UNC5C: variants seen among roughly 807,000 people sequenced by gnomAD.
UNC5C encodes the protein unc-5 netrin receptor C, also known as netrin receptor UNC5C.
Under a neutral mutation model 99.8 loss-of-function variants are expected in UNC5C, and 47 were observed. The observed-to-expected ratio is 0.47, with a 90% CI of 0.37 to 0.60. The LOEUF is 0.60. Ranked by LOEUF, UNC5C falls within the 20% of genes least tolerant of loss-of-function variation. UNC5C has a pLI of 0.00. For missense variants in UNC5C, 1,062 were observed against 1,165.9 expected (o/e 0.91, Z 1.30); for synonymous variants, 487 against 452.2 (o/e 1.08, Z -0.98).
intron 4 of UNC5C, among the ~76,000 whole-genome samples, chr4:95,277,988 C>T (rs911103379): frequency 1.3e-5 from 2 of 152,188 alleles, no homozygotes; most frequent in Non-Finnish European, 2.9e-5. Flanking sequence ...AAGTGCCAGA[C>T]AAAATAAAGC....
intron 7 of UNC5C, among the ~76,000 whole-genome samples, chr4:95,232,914 C>G (rs764854020): frequency 3.3e-5 from 5 of 152,214 alleles, no homozygotes; most frequent in African/African-American, 4.8e-5. Flanking sequence ...TAAAAGCTCT[C>G]ACTGTCTACC....
At chr4:95,392,745 C>T (rs900623919) in intron 1 of UNC5C, among the ~76,000 whole-genome samples, 16 of 151,964 alleles carry the variant, frequency 1.1e-4, no homozygotes, top group South Asian at 4.2e-4. Context: ...CTGGCTGAAA[C>T]GCTTTTTCGA....
intron 1 of UNC5C, among the ~76,000 whole-genome samples, chr4:95,461,322 A>T (rs1442304155): frequency 1.0e-5 from 1 of 97,500 alleles, no homozygotes; most frequent in Non-Finnish European, 2.0e-5. Flanking sequence ...AGGCAAGAGC[A>T]AGTTGAATAG....
chr4:95,261,933 G>C (rs1220952922), intron 4 of UNC5C, among the ~76,000 whole-genome samples: 1 of 152,108 alleles, frequency 6.6e-6, no homozygotes, highest in African/African-American at 2.4e-5. Flanking sequence ...TCGATTGCCT[G>C]ACTTCATGAT....
At chr4:95,254,301 C>T (rs1739868712) in intron 4 of UNC5C, among the ~76,000 whole-genome samples, 1 of 152,164 alleles carries the variant, frequency 6.6e-6, no homozygotes, top group East Asian at 1.9e-4. Context: ...CATGACCCTC[C>T]ATCCTGCAAT....
chr4:95,441,876 G>C (rs3891685), intron 1 of UNC5C, among the ~76,000 whole-genome samples: 1 of 152,090 alleles, frequency 6.6e-6, no homozygotes, highest in Non-Finnish European at 1.5e-5. Context: ...GCACTGTTCA[G>C]AATAAGTTGC....
chr4:95,291,441 T>C lies in UNC5C; in HGVS notation c.490+10165A>G, dbSNP rs1408992502. ...ACTTTTCATACAGCATAAAACATACTTTAATAACACATTTTTGTCCAGTGT... is the reference window on the plus strand; with the variant it reads ...ACTTTTCATACAGCATAAAACATACCTTAATAACACATTTTTGTCCAGTGT... On this transcript the variant is annotated intron_variant, in intron 3 of 15. Transcript: ENST00000453304. Among the ~76,000 whole-genome samples, 4 of 152,214 alleles carry C rather than the reference T, an allele frequency of 2.6e-5. No individual in the cohort carries two copies. The East Asian group carries it at 7.7e-4, about 29-fold the overall frequency.
At chr4:95,461,661 CAAT>C (rs1370482921) in intron 1 of UNC5C, among the ~76,000 whole-genome samples, 2 of 152,152 alleles carry the variant, frequency 1.3e-5, no homozygotes, top group Admixed American at 6.5e-5. Context: ...AAAATAACAA[CAAT>C]GACAACCCTG....
At position 95,523,233 on chromosome 4, in the gene UNC5C, C is replaced by G. The variant is rs138968147; in HGVS notation, c.124+25501G>C. Among the ~76,000 whole-genome samples, 331 of 152,256 alleles carry G rather than the reference C, an allele frequency of 2.2e-3. 1 individual carries two copies. Among genetic ancestry groups the G allele is most frequent in the African/African-American group, 7.8e-3 (325 of 41,546 alleles). On this transcript the variant is annotated intron_variant, in intron 1 of 15. Transcript: ENST00000453304. ...TTGTTCTCACCTTGAGGAAACCTAC[C>G]AGGCAAAGCAGCTCTTGCTTCAGTC...
At chr4:95,518,633 C>T (rs1722275057) in intron 1 of UNC5C, among the ~76,000 whole-genome samples, 1 of 152,152 alleles carries the variant, frequency 6.6e-6, no homozygotes, top group African/African-American at 2.4e-5. Flanking sequence ...TGCAGAATAA[C>T]AATCATTTCA....
chr4:95,353,475 C>A (rs1460066087), intron 1 of UNC5C, among the ~76,000 whole-genome samples: 2 of 151,748 alleles, frequency 1.3e-5, no homozygotes, highest in African/African-American at 2.4e-5. Flanking sequence ...CCTCAAGTAC[C>A]TATAACCCAT....
At chr4:95,363,073 G>A (rs890400151) in intron 1 of UNC5C, among the ~76,000 whole-genome samples, 4 of 152,004 alleles carry the variant, frequency 2.6e-5, no homozygotes, top group Admixed American at 2.6e-4. Flanking sequence ...GCCAGCTGGT[G>A]GACTGGGCCA....
At chr4:95,215,248 G>A (rs764202899) in intron 10 of UNC5C, among the ~76,000 whole-genome samples, 56 of 152,254 alleles carry the variant, frequency 3.7e-4, no homozygotes, top group Non-Finnish European at 7.5e-4. Context: ...TTTATATTCA[G>A]AGCTCAGGGC....
chr4:95,543,570 T>A (rs1171836685), intron 1 of UNC5C, among the ~76,000 whole-genome samples: 1 of 152,202 alleles, frequency 6.6e-6, no homozygotes, highest in South Asian at 2.1e-4. Context: ...ACCAATTATG[T>A]TCTTTAGAGT....
chr4:95,436,645 C>T (rs187078078), intron 1 of UNC5C, among the ~76,000 whole-genome samples: 1 of 151,938 alleles, frequency 6.6e-6, no homozygotes, highest in East Asian at 1.9e-4. Flanking sequence ...GAAAAATGAA[C>T]ACGTTCAAGC....
Position 95,182,977 on chromosome 4 carries a change from C to T in UNC5C, c.2371G>A (p.Val791Met). Residue 791 changes from valine (V) to methionine (M), a missense_variant, in exon 14 of 16, where the codon GTG (valine) becomes ATG (methionine). Val to Met is a conservative substitution (Grantham distance 21). Transcript: ENST00000453304. ...FTLERFSLNT[V>M]ELVCKLCVRQ... Reference sequence around the variant, plus strand: ...ACACAGAGTTTGCAAACCAGCTCCACTGTGTTCAGGCTAAATCTTTCCAGA... The same window carrying T: ...ACACAGAGTTTGCAAACCAGCTCCATTGTGTTCAGGCTAAATCTTTCCAGA... The T allele has an allele frequency of 2.5e-6, 4 of 1,613,904 alleles. No homozygotes were observed. The highest frequency in any genetic ancestry group is 3.4e-6 in the Non-Finnish European group (4 of 1,179,832).
chr4:95,245,809 C>T (rs1450063111), intron 5 of UNC5C, among the ~76,000 whole-genome samples: 4 of 152,134 alleles, frequency 2.6e-5, no homozygotes, highest in South Asian at 4.1e-4. Flanking sequence ...AAACCTACAC[C>T]GTAAGACTGC....
intron 1 of UNC5C, among the ~76,000 whole-genome samples, chr4:95,424,718 T>C (rs1315243757): frequency 6.6e-6 from 1 of 151,708 alleles, no homozygotes; most frequent in Non-Finnish European, 1.5e-5. Context: ...AGAGACCAGG[T>C]TTCACTGTGT....
intron 1 of UNC5C, among the ~76,000 whole-genome samples, chr4:95,380,034 T>C (rs548633147): frequency 6.6e-6 from 1 of 152,322 alleles, no homozygotes; most frequent in East Asian, 1.9e-4. Context: ...TTAGAAACTT[T>C]CTGAAACATC....
Sources: allele counts gnomAD v4.1 joint callset (sites outside exome capture counted in the v4.1 genomes callset), GRCh38; gene constraint gnomAD v4.1.1; transcripts MANE v1.5; gene names NCBI Gene and HGNC (gene_info 2026-07-23, HGNC 2026-07-21).